Variants in ARVCF observed in about 807,000 individuals in gnomAD.
ARVCF encodes the protein splicing regulator ARVCF.
Under a neutral mutation model 90.9 loss-of-function variants are expected in ARVCF, and 66 were observed. The ratio of observed to expected loss-of-function variants is 0.73; its 90% CI spans 0.60 to 0.89. ARVCF has a LOEUF of 0.89. Ranked by LOEUF, ARVCF falls within the 40% of genes least tolerant of loss-of-function variation. The pLI, the probability that ARVCF is intolerant of heterozygous loss-of-function variation, is 0.00. For missense variants in ARVCF, 1,469 were observed against 1,382.3 expected (o/e 1.06, Z -1.00); for synonymous variants, 653 against 603.4 (o/e 1.08, Z -1.21).
chr22:20,002,849 G>A (rs150756888), intron 2 of ARVCF, among the ~76,000 whole-genome samples: 65 of 152,318 alleles, frequency 4.3e-4, no homozygotes, highest in African/African-American at 1.5e-3. Flanking sequence ...CATTAAGGCA[G>A]CTCCAGTTGT....
rs1358125562 is a variant in ARVCF, at chr22:19,979,723, C to T, written c.1396+20G>A. On this transcript the variant is annotated intron_variant, in intron 6 of 19. Coordinates refer to ENST00000263207, the MANE Select transcript of ARVCF (RefSeq NM_001670.3). ...CTCTTCTCTTCCCAGGGGATGTGAG[C>T]ATGGCCAGGTCCCACTCACCAGTGA... The T allele has an allele frequency of 1.9e-6, 3 of 1,577,726 alleles. No individual in the cohort carries two copies. The South Asian group carries it at 3.4e-5, about 18-fold the overall frequency.
rs1266568299 is a variant in ARVCF at position 19,987,324 on chromosome 22, G to GC, written c.210+3260dup. 8.3e-5 allele frequency: 13 copies of GC among 157,258 alleles called. No individual in the cohort carries two copies. In the East Asian group the frequency reaches 9.1e-4, roughly 11 times the overall value. The allele number at this position is 157,258 out of a possible 1,614,324, so 9.7% of individuals were successfully genotyped here. On this transcript the variant is annotated intron_variant, in intron 3 of 19. Coordinates refer to ENST00000263207, the MANE Select transcript of ARVCF (RefSeq NM_001670.3). The stretch of plus-strand genomic sequence containing the variant: ...CGGGGGGCGGGCAATGTGAGGTCCC[G>GC]CCCCCCAGAGACAGGGGGCGGGGCC...
downstream of ARVCF, among the ~76,000 whole-genome samples, chr22:19,966,322 T>A (rs1157222675): frequency 6.6e-6 from 1 of 151,084 alleles, no homozygotes; most frequent in African/African-American, 2.4e-5. Context: ...GGTGAGGGGC[T>A]CAGGAGCAGG....
intron 7 of ARVCF, among the ~76,000 whole-genome samples, 174 bp downstream of exon 7, chr22:19,978,723 G>T (rs2146291152): frequency 6.6e-6 from 1 of 152,190 alleles, no homozygotes; most frequent in East Asian, 1.9e-4. Flanking sequence ...GACACCACTT[G>T]GGGGTGAGGA....
At chr22:19,984,566 G>A (rs1314794861) in intron 3 of ARVCF, among the ~76,000 whole-genome samples, 2 of 152,124 alleles carry the variant, frequency 1.3e-5, no homozygotes, top group African/African-American at 2.4e-5. Flanking sequence ...ACATGCCCAG[G>A]CACACACACA....
At chr22:19,998,109 C>T (rs1302555208) in intron 2 of ARVCF, among the ~76,000 whole-genome samples, 1 of 152,238 alleles carries the variant, frequency 6.6e-6, no homozygotes, top group Non-Finnish European at 1.5e-5. Flanking sequence ...CCCTACCATG[C>T]CCTACGGCCC....
chr22:19,974,480 C>G (rs1207977800), intron 11 of ARVCF, among the ~76,000 whole-genome samples: 1 of 152,100 alleles, frequency 6.6e-6, no homozygotes, highest in East Asian at 1.9e-4. Context: ...CAGGAGCATC[C>G]AGGAGGCCTG....
Position 19,977,969 on chromosome 22 carries a change from T to C in ARVCF, c.1687A>G (p.Thr563Ala), listed in dbSNP as rs142034702. 2.7e-5 allele frequency: 43 copies of C among 1,607,920 alleles called. 1 individual carries two copies. The East Asian group carries it at 8.7e-4, about 33-fold the overall frequency. Residue 563 changes from threonine to alanine, a missense_variant, in exon 8 of 20, where the codon ACT becomes GCT. Transcript: ENST00000263207. ...ALQSAVGRKD[T>A]DNKSVENCVC... ...CCGTCCCTGCCCACCTTGTTGTCAG[T>C]GTCCTTCCGGCCCACAGCCGACTGC...
chr22:19,982,665 G>A (rs1301573984), intron 3 of ARVCF, among the ~76,000 whole-genome samples: 1 of 152,180 alleles, frequency 6.6e-6, no homozygotes. Context: ...CCAGCCAGAC[G>A]CCCTCAAGGG....
chr22:19,976,843 A>G (rs1214041740), intron 9 of ARVCF, 120 bp from the exon 10 acceptor site: 7 of 1,189,066 alleles, frequency 5.9e-6, no homozygotes, highest in Non-Finnish European at 8.4e-6. Context: ...TCAAGCAGGC[A>G]GCATGTGGAA....
intron 6 of ARVCF, 60 bp from the exon 7 acceptor site, chr22:19,979,140 G>A: frequency 3.2e-6 from 5 of 1,559,158 alleles, no homozygotes; most frequent in Non-Finnish European, 4.4e-6. Context: ...TACCTCCCCA[G>A]GTGGCCACGC....
At chr22:19,971,560 C>T (rs1290523001) in intron 18 of ARVCF, among the ~76,000 whole-genome samples, 3 of 152,182 alleles carry the variant, frequency 2.0e-5, no homozygotes, top group Non-Finnish European at 2.9e-5. Flanking sequence ...GGGATTGGCA[C>T]ACAGCAGGCA....
rs1380319592 is a variant in ARVCF at position 19,972,802 on chromosome 22, G to A, written c.2576C>T (p.Pro859Leu). 6.2e-7 allele frequency: 1 copy of A among 1,613,524 alleles called. No homozygotes were observed. The highest frequency in any genetic ancestry group is 1.1e-5 in the South Asian group (1 of 91,064). Residue 859 changes from proline (P) to leucine (L), a missense_variant, in exon 16 of 20, where the codon CCT (proline) becomes CTT (leucine). By Grantham distance (98) the Pro-to-Leu change is moderately conservative (BLOSUM62 -3). Coordinates refer to ENST00000263207, the MANE Select transcript of ARVCF (RefSeq NM_001670.3). ...GCCCCCAGGACTCAGTGCTCCCTTA[G>A]GCCCCTTGGCAGTAGCAGCAGCTGA... Reference protein sequence around the residue: ...FQSAAATAKGPKGALSPGGFD... With the variant: ...FQSAAATAKGLKGALSPGGFD...
At chr22:19,984,483 CGAG>C (rs1943661098) in intron 3 of ARVCF, among the ~76,000 whole-genome samples, 1 of 152,192 alleles carries the variant, frequency 6.6e-6, no homozygotes, top group Non-Finnish European at 1.5e-5. Context: ...GAGCTAAAAA[CGAG>C]GGATGACTTC....
intron 2 of ARVCF, among the ~76,000 whole-genome samples, chr22:20,003,866 AGAGT>A (rs1390666194): frequency 1.3e-5 from 1 of 77,666 alleles, no homozygotes; most frequent in African/African-American, 1.0e-4. Flanking sequence ...AGTTTTAGAC[AGAGT>A]AATTAGGCAA....
intron 11 of ARVCF, 87 bp downstream of exon 11, chr22:19,975,599 C>T (rs1601584069): frequency 6.6e-7 from 1 of 1,512,644 alleles, no homozygotes. Context: ...CCCTCCAGGC[C>T]TGCTTGATGG....
At chr22:19,990,837 A>C in intron 2 of ARVCF, 25 bp from the exon 3 acceptor site, 12 of 1,535,196 alleles carry the variant, frequency 7.8e-6, no homozygotes, top group African/African-American at 1.4e-5. Context: ...GAGTAAGCTC[A>C]GTGGGGTGGG....
At chr22:20,011,142 G>T (rs1944814687) in intron 1 of ARVCF, among the ~76,000 whole-genome samples, 2 of 152,202 alleles carry the variant, frequency 1.3e-5, no homozygotes, top group African/African-American at 2.4e-5. Flanking sequence ...GAGGCTTATG[G>T]GCTGGAGCAG....
In ARVCF at chr22:19,990,704, C is replaced by T. The variant is rs1480826391; in HGVS notation, c.91G>A (p.Glu31Lys). ...AGGGCAACATGGCGCCGCTCCTGCT[C>T]CAGTGCCCGTGTCAGCCTCTCGAAG... is the stretch of plus-strand genomic sequence containing the variant. ...ARFERLTRAL[E>K]QERRHVALQL... Residue 31 changes from glutamate to lysine, a missense_variant, in exon 3 of 20, where the codon GAG (glutamate) becomes AAG (lysine). Physicochemically the swap from Glu to Lys is moderately conservative, Grantham distance 56 (BLOSUM62 1). Transcript: ENST00000263207. 6.9e-6 allele frequency: 11 copies of T among 1,599,388 alleles called. No individual in the cohort carries two copies. The highest frequency in any genetic ancestry group is 9.4e-6 in the Non-Finnish European group (11 of 1,173,104).
Sources: allele counts gnomAD v4.1 joint callset (sites outside exome capture counted in the v4.1 genomes callset), GRCh38; gene constraint gnomAD v4.1.1; transcripts MANE v1.5; gene names NCBI Gene and HGNC (gene_info 2026-07-23, HGNC 2026-07-21).